ERC2: variants seen among roughly 807,000 people sequenced by gnomAD.
ERC2 encodes the protein ELKS/RAB6-interacting/CAST family member 2.
Under a neutral mutation model 114.8 loss-of-function variants are expected in ERC2, and 42 were observed. That is an observed-to-expected ratio of 0.37 (90% CI 0.29 to 0.47). The LOEUF is 0.47. ERC2 is among the 20% of genes least tolerant of loss of function. ERC2 has a pLI of 0.99. For synonymous variants in ERC2, 454 were observed against 425.5 expected (o/e 1.07, Z -0.82); for missense variants, 939 against 1,150.7 (o/e 0.82, Z 2.66).
intron 14 of ERC2, among the ~76,000 whole-genome samples, chr3:55,785,426 T>C: frequency 6.6e-6 from 1 of 152,356 alleles, no homozygotes; most frequent in Admixed American, 6.5e-5. Flanking sequence ...CTCCATCCCT[T>C]GCTGTAATTT....
chr3:56,149,820 A>C (rs1481035221), intron 4 of ERC2, among the ~76,000 whole-genome samples: 1 of 152,182 alleles, frequency 6.6e-6, no homozygotes, highest in Non-Finnish European at 1.5e-5. Flanking sequence ...CTATTGATTT[A>C]TGGAGCCAAC....
chr3:55,944,109 A>G (rs1212235288), intron 13 of ERC2, among the ~76,000 whole-genome samples: 1 of 152,234 alleles, frequency 6.6e-6, no homozygotes, highest in East Asian at 1.9e-4. Flanking sequence ...ATACCATTCA[A>G]GCAAGATTTC....
At chr3:56,115,123 C>T (rs2079155684) in intron 6 of ERC2, among the ~76,000 whole-genome samples, 2 of 152,058 alleles carry the variant, frequency 1.3e-5, no homozygotes, top group South Asian at 4.2e-4. Flanking sequence ...TCTTGTGGGC[C>T]CCAAGAAGGA....
chr3:56,014,235 G>A (rs1162401204), intron 8 of ERC2, among the ~76,000 whole-genome samples: 1 of 152,058 alleles, frequency 6.6e-6, no homozygotes, highest in Non-Finnish European at 1.5e-5. Context: ...AATAGACCAG[G>A]GATCTGCAGC....
At chr3:55,811,371 C>T (rs2059716020) in intron 14 of ERC2, among the ~76,000 whole-genome samples, 1 of 152,166 alleles carries the variant, frequency 6.6e-6, no homozygotes, top group Non-Finnish European at 1.5e-5. Flanking sequence ...CTTCACAGTA[C>T]CTTCTGAGAA....
chr3:55,545,839 C>T (rs887901129), intron 17 of ERC2, among the ~76,000 whole-genome samples: 17 of 152,154 alleles, frequency 1.1e-4, no homozygotes, highest in Non-Finnish European at 2.4e-4. Context: ...CATGGCTGGG[C>T]TGGACAGCCG....
intron 7 of ERC2, among the ~76,000 whole-genome samples, chr3:56,071,003 C>A (rs1191347504): frequency 6.6e-6 from 1 of 152,156 alleles, no homozygotes; most frequent in East Asian, 1.9e-4. Context: ...GTGAGGTGCC[C>A]CTCCTATGTG....
At chr3:55,687,632 T>C (rs551830112) in intron 16 of ERC2, among the ~76,000 whole-genome samples, 1 of 152,322 alleles carries the variant, frequency 6.6e-6, no homozygotes, top group East Asian at 1.9e-4. Context: ...TGGTTATAAC[T>C]AGGTCTGGTG....
At chr3:55,738,785 A>C (rs1412824020) in intron 14 of ERC2, among the ~76,000 whole-genome samples, 1 of 152,186 alleles carries the variant, frequency 6.6e-6, no homozygotes, top group Non-Finnish European at 1.5e-5. Context: ...ATTTTACTTT[A>C]AGTTCTGGTG....
At chr3:56,295,966 C>G in intron 3 of ERC2, 53 bp downstream of exon 3, 1 of 1,489,170 alleles carries the variant, frequency 6.7e-7, no homozygotes, top group Non-Finnish European at 9.0e-7. Context: ...AACTTGATAA[C>G]ATATTTTCAC....
At chr3:55,673,646 T>A (rs17055696) in intron 17 of ERC2, among the ~76,000 whole-genome samples, 2,670 of 152,164 alleles carry the variant, frequency 0.018, 82 homozygotes, top group African/African-American at 0.061. Context: ...ATTTTTATCA[T>A]GCTCCCAAGC....
chr3:55,697,698 A>G (rs2063004833), intron 16 of ERC2, among the ~76,000 whole-genome samples: 1 of 151,788 alleles, frequency 6.6e-6, no homozygotes, highest in Non-Finnish European at 1.5e-5. Context: ...TGGATGACCT[A>G]CTCCCCTGAC....
chr3:55,759,195 G>A (rs1037399712), intron 14 of ERC2, among the ~76,000 whole-genome samples: 2 of 152,060 alleles, frequency 1.3e-5, no homozygotes, highest in African/African-American at 2.4e-5. Flanking sequence ...ATTGCAAATG[G>A]TATTCTAAAG....
chr3:56,169,961 C>T (rs985452308), intron 4 of ERC2, among the ~76,000 whole-genome samples: 75 of 152,080 alleles, frequency 4.9e-4, no homozygotes, highest in African/African-American at 1.7e-3. Flanking sequence ...GAAAACAAGC[C>T]TTTCAACTGT....
At chr3:55,655,226 G>A (rs2060803831) in intron 17 of ERC2, among the ~76,000 whole-genome samples, 1 of 138,720 alleles carries the variant, frequency 7.2e-6, no homozygotes, top group African/African-American at 2.6e-5. Context: ...CCCTTTATTG[G>A]CTTGCCTTCC....
intron 3 of ERC2, among the ~76,000 whole-genome samples, chr3:56,210,013 T>G (rs547654628): frequency 1.1e-4 from 17 of 152,292 alleles, no homozygotes; most frequent in African/African-American, 3.8e-4. Flanking sequence ...AGTACTTTTA[T>G]GATTAGCAGA....
At chr3:56,283,573 T>TA (rs1453707437) in intron 3 of ERC2, among the ~76,000 whole-genome samples, 1 of 152,220 alleles carries the variant, frequency 6.6e-6, no homozygotes, top group Admixed American at 6.5e-5. Context: ...CTCCACCCTT[T>TA]ACAAATAAAT....
chr3:55,957,913 G>A (rs1260891226), intron 12 of ERC2, among the ~76,000 whole-genome samples: 1 of 152,214 alleles, frequency 6.6e-6, no homozygotes, highest in Non-Finnish European at 1.5e-5. Context: ...CTAGGTCTGG[G>A]CTTCCCAAAG....
intron 13 of ERC2, among the ~76,000 whole-genome samples, chr3:55,937,255 A>G (rs979727749): frequency 2.0e-5 from 3 of 152,242 alleles, no homozygotes; most frequent in Non-Finnish European, 4.4e-5. Flanking sequence ...AGTCTGAGAC[A>G]GGCGAATCAC....
Sources: gnomAD v4.1 joint callset for allele counts (sites outside exome capture counted in the v4.1 genomes callset) on GRCh38, gnomAD v4.1.1 for gene constraint, MANE v1.5 for transcripts, NCBI Gene and HGNC (gene_info 2026-07-23, HGNC 2026-07-21) for gene names.